SPATS2L: variants seen among roughly 807,000 people sequenced by gnomAD.
The protein encoded by SPATS2L is SPATS2-like protein.
SPATS2L carries 30 observed loss-of-function variants against 59.6 expected under a neutral mutation model. The observed-to-expected ratio is 0.50, with a 90% CI of 0.38 to 0.68. The LOEUF (loss-of-function observed/expected upper bound fraction) is 0.68. SPATS2L is among the 30% of genes least tolerant of loss of function. The probability of loss-of-function intolerance (pLI) is 0.00; values close to 1 mark genes in which losing one functional copy is unlikely to be tolerated. For missense variants in SPATS2L, 615 were observed against 700.0 expected (o/e 0.88, Z 1.37); for synonymous variants, 252 against 263.5 (o/e 0.96, Z 0.42).
At chr2:200,407,341 A>C (rs994570205) in intron 3 of SPATS2L, among the ~76,000 whole-genome samples, 2 of 152,202 alleles carry the variant, frequency 1.3e-5, no homozygotes, top group African/African-American at 4.8e-5. Flanking sequence ...CTTCCATGAC[A>C]TTTGGCTCTC....
intron 1 of SPATS2L, among the ~76,000 whole-genome samples, chr2:200,311,177 G>T (rs2105744656): frequency 6.6e-6 from 1 of 152,340 alleles, no homozygotes; most frequent in South Asian, 2.1e-4. Flanking sequence ...CTCATAGCCT[G>T]ACACATAGTC....
chr2:200,360,100 A>G (rs1352268077), intron 2 of SPATS2L, among the ~76,000 whole-genome samples: 2 of 152,246 alleles, frequency 1.3e-5, no homozygotes, highest in East Asian at 1.9e-4. Flanking sequence ...AATAAATAAC[A>G]TATATGGTCC....
At chr2:200,447,468 A>G (rs115834148) in intron 8 of SPATS2L, among the ~76,000 whole-genome samples, 2,110 of 152,344 alleles carry the variant, frequency 0.014, 12 homozygotes, top group Non-Finnish European at 0.023. Context: ...GGCATTATAT[A>G]TACTTTAACA....
At chr2:200,435,468 A>G (rs1224539616) in intron 6 of SPATS2L, among the ~76,000 whole-genome samples, 1 of 152,136 alleles carries the variant, frequency 6.6e-6, no homozygotes, top group African/African-American at 2.4e-5. Context: ...CTAATATTTG[A>G]TGAATATTAG....
chr2:200,307,597 G>C (rs1174838640), intron 1 of SPATS2L, among the ~76,000 whole-genome samples: 2 of 152,168 alleles, frequency 1.3e-5, no homozygotes, highest in African/African-American at 2.4e-5. Context: ...GAGTCCGCGG[G>C]CTGCGGACCC....
intron 8 of SPATS2L, among the ~76,000 whole-genome samples, chr2:200,457,814 A>G (rs903596924): frequency 4.6e-5 from 7 of 152,230 alleles, no homozygotes; most frequent in East Asian, 3.8e-4. Flanking sequence ...GGAGCCCCTA[A>G]ACTGCTATGG....
rs58104978 is a variant in SPATS2L at position 200,396,068 on chromosome 2, T to TATA, written c.39+6785_39+6786insATA. ...TATATATATATATATATATATATAT[T>TATA]TTCCCATAGAACCAAGATTGGAAAG... On this transcript the variant is annotated intron_variant, in intron 3 of 12. Coordinates refer to ENST00000409140, the MANE Select transcript of SPATS2L (RefSeq NM_001100423.2). Among the ~76,000 whole-genome samples the TATA allele has an allele frequency of 3.1e-3, 77 of 25,108 alleles. 1 individual carries two copies. The highest frequency in any genetic ancestry group is 0.033 in the Middle Eastern group (1 of 30). 16.5% of individuals were successfully genotyped at this position (25,108 alleles called of 152,430 possible).
chr2:200,372,727 T>G (rs548550991), intron 2 of SPATS2L, among the ~76,000 whole-genome samples: 2 of 152,288 alleles, frequency 1.3e-5, no homozygotes, highest in East Asian at 3.9e-4. Flanking sequence ...CGGAGTTAGT[T>G]TGAGAGGTTT....
At chr2:200,345,037 G>T (rs2080465904) in intron 2 of SPATS2L, among the ~76,000 whole-genome samples, 1 of 152,152 alleles carries the variant, frequency 6.6e-6, no homozygotes, top group East Asian at 1.9e-4. Context: ...TCTGTTGATT[G>T]ATGGTTTCTT....
At chr2:200,449,550 A>G (rs1045192016) in intron 8 of SPATS2L, among the ~76,000 whole-genome samples, 27 of 152,234 alleles carry the variant, frequency 1.8e-4, no homozygotes, top group Non-Finnish European at 2.1e-4. Flanking sequence ...AAAGCTTACC[A>G]ATCAACCAGC....
chr2:200,431,081 C>T (rs2083901112), intron 6 of SPATS2L, among the ~76,000 whole-genome samples: 1 of 152,112 alleles, frequency 6.6e-6, no homozygotes, highest in Non-Finnish European at 1.5e-5. Flanking sequence ...TTTGTGTGAA[C>T]AACCATGATT....
chr2:200,477,615 A>C (rs1399723412), intron 12 of SPATS2L, 21 bp from the exon 13 acceptor site: 8 of 1,508,400 alleles, frequency 5.3e-6, no homozygotes, highest in Non-Finnish European at 7.1e-6. Flanking sequence ...TCTGATACTT[A>C]TCTCTTTTCT....
chr2:200,309,114 G>T (rs1278861091), intron 1 of SPATS2L: 1 of 717,828 alleles, frequency 1.4e-6, no homozygotes, highest in South Asian at 1.5e-5. Context: ...TTTTACATCA[G>T]AAGTTAAGCT....
intron 8 of SPATS2L, 72 bp from the exon 9 acceptor site, chr2:200,459,697 T>C: frequency 8.7e-7 from 1 of 1,148,176 alleles, no homozygotes; most frequent in South Asian, 1.4e-5. Flanking sequence ...TAATTTTACT[T>C]TCAGTGCTTA....
chr2:200,477,755 C>T lies in SPATS2L; in HGVS notation c.1401C>T (p.Ser467=), dbSNP rs758894217. Residue 467 remains serine (S), a synonymous_variant, in exon 13 of 13, where the codon AGC becomes AGT. Coordinates refer to ENST00000409140, the MANE Select transcript of SPATS2L (RefSeq NM_001100423.2). ...CCGAGCCACTGGGAAAGGGCAACAGCCGCCACGAACACAGAAGACAGCCGC... is the reference window on the plus strand; with the variant it reads ...CCGAGCCACTGGGAAAGGGCAACAGTCGCCACGAACACAGAAGACAGCCGC... ...NEAEPLGKGN[S]RHEHRRQPHN... is the part of the protein sequence containing the mutation. 3.2e-5 allele frequency: 51 copies of T among 1,580,042 alleles called. No individual in the cohort carries two copies. Among genetic ancestry groups the T allele is most frequent in the Non-Finnish European group, 4.1e-5 (48 of 1,163,018 alleles).
In SPATS2L at chr2:200,477,762, G is replaced by A. The variant is rs768329685; in HGVS notation, c.1408G>A (p.Glu470Lys). The part of the protein sequence containing the change: ...EPLGKGNSRH[E>K]HRRQPHNGFR... ...ACTGGGAAAGGGCAACAGCCGCCAC[G>A]AACACAGAAGACAGCCGCACAACGG... Residue 470 changes from glutamate (E) to lysine (K), a missense_variant, in exon 13 of 13, where the codon GAA (glutamate) becomes AAA (lysine). Glu to Lys is a moderately conservative substitution (Grantham distance 56). This residue lies in a region of SPATS2L where 284 missense variants were observed against 280.1 expected (regional missense o/e 1.01). Coordinates refer to ENST00000409140, the MANE Select transcript of SPATS2L (RefSeq NM_001100423.2). 24 of 1,581,628 alleles carry A rather than the reference G, an allele frequency of 1.5e-5. No homozygotes were observed. The highest frequency in any genetic ancestry group is 1.7e-4 in the Middle Eastern group (1 of 6,046).
intron 12 of SPATS2L, among the ~76,000 whole-genome samples, chr2:200,475,541 A>G (rs2087449002): frequency 6.6e-6 from 1 of 152,242 alleles, no homozygotes; most frequent in Admixed American, 6.5e-5. Flanking sequence ...TAGCCTCTCC[A>G]AATGAGACAG....
At chr2:200,408,643 G>A (rs562767855) in intron 3 of SPATS2L, among the ~76,000 whole-genome samples, 67 of 152,272 alleles carry the variant, frequency 4.4e-4, no homozygotes, top group Non-Finnish European at 5.6e-4. Flanking sequence ...ATCTGTTAAC[G>A]GCTCTTAACC....
intron 12 of SPATS2L, among the ~76,000 whole-genome samples, chr2:200,473,781 C>T (rs994693512): frequency 6.6e-6 from 1 of 152,152 alleles, no homozygotes; most frequent in Non-Finnish European, 1.5e-5. Flanking sequence ...GGGCAGATCA[C>T]TTGAGGTCAG....
Sources: gnomAD v4.1 joint callset for allele counts (sites outside exome capture counted in the v4.1 genomes callset) on GRCh38, gnomAD v4.1.1 for gene constraint, gnomAD v4.1.1 regional missense constraint, MANE v1.5 for transcripts, NCBI Gene and HGNC (gene_info 2026-07-23, HGNC 2026-07-21) for gene names.